The following STYXL2 variants were observed in gnomAD, a reference collection of about 807,000 sequenced individuals.
STYXL2 encodes serine/threonine/tyrosine-interacting-like protein 2.
Under a neutral mutation model 52.4 loss-of-function variants are expected in STYXL2, and 44 were observed. The ratio of observed to expected loss-of-function variants is 0.84; its 90% CI spans 0.66 to 1.08. The LOEUF (loss-of-function observed/expected upper bound fraction) is 1.08. STYXL2 is among the 50% of genes least tolerant of loss of function. The probability of loss-of-function intolerance (pLI) is 0.00; values close to 1 mark genes in which losing one functional copy is unlikely to be tolerated. For synonymous variants in STYXL2, 604 were observed against 586.9 expected (o/e 1.03, Z -0.42); for missense variants, 1,604 against 1,471.7 (o/e 1.09, Z -1.47).
intron 2 of STYXL2, 22 bp downstream of exon 2, chr1:167,094,981 ACCCTCACAGC>A (rs773373845): frequency 6.4e-7 from 1 of 1,557,528 alleles, no homozygotes. Flanking sequence ...CTTATCTCCC[ACCCTCACAGC>A]CCCAGCTGGG....
chr1:167,096,919 G>T (rs904431310), intron 2 of STYXL2, among the ~76,000 whole-genome samples: 1 of 152,136 alleles, frequency 6.6e-6, no homozygotes, highest in Non-Finnish European at 1.5e-5. Flanking sequence ...TCTCCAATGG[G>T]TGTGCATTCT....
In STYXL2 at chr1:167,128,893, G is replaced by C; in HGVS notation, c.*285G>C. 2.5e-6 allele frequency: 1 copy of C among 397,360 alleles called. No homozygotes were observed. Among genetic ancestry groups the C allele is most frequent in the South Asian group, 3.0e-5 (1 of 33,596 alleles). The allele number at this position is 397,360 out of a possible 1,614,324, so 24.6% of individuals were successfully genotyped here. On this transcript the variant is annotated 3_prime_UTR_variant, in exon 6 of 6. Transcript: ENST00000361200. The stretch of plus-strand genomic sequence containing the variant: ...CTTTGGTGTTTCACTTAATGTATTT[G>C]GCAGTGTTCATCACAGGCTAGAGAG...
intron 3 of STYXL2, among the ~76,000 whole-genome samples, chr1:167,115,049 G>GA (rs970239968): frequency 1.3e-5 from 2 of 151,702 alleles, no homozygotes; most frequent in Non-Finnish European, 2.9e-5. Flanking sequence ...ATTGAGGGGA[G>GA]AAAAAAAATA....
chr1:167,120,465 C>T (rs12725293), intron 5 of STYXL2, among the ~76,000 whole-genome samples: 3,684 of 152,194 alleles, frequency 0.024, 65 homozygotes, highest in Middle Eastern at 0.037. Flanking sequence ...AAATAACTCC[C>T]TTGGGACAAC....
intron 2 of STYXL2, among the ~76,000 whole-genome samples, chr1:167,098,300 C>T (rs1163032140): frequency 2.6e-5 from 4 of 152,018 alleles, no homozygotes; most frequent in East Asian, 1.9e-4. Context: ...TGAGCCACCA[C>T]GCCCGGCCCA....
At chr1:167,114,035 T>C (rs145141117) in intron 3 of STYXL2, among the ~76,000 whole-genome samples, 1 of 152,142 alleles carries the variant, frequency 6.6e-6, no homozygotes, top group African/African-American at 2.4e-5. Flanking sequence ...GCAGCACCAA[T>C]CTGTCCCTAG....
rs1227743105 is a variant in STYXL2, at chr1:167,128,806, C to T, written c.*198C>T. 16 of 825,994 alleles carry T rather than the reference C, an allele frequency of 1.9e-5. No homozygotes were observed. Among genetic ancestry groups the T allele is most frequent in the African/African-American group, 4.0e-5 (2 of 50,406 alleles). 51.2% of individuals were successfully genotyped at this position (825,994 alleles called of 1,614,324 possible). On this transcript the variant is annotated 3_prime_UTR_variant, in exon 6 of 6. Transcript: ENST00000361200. ...GCAAGGAGGGGGAGAACCATCAATA[C>T]GAATACGAGGTCCGAATGCGGACCA... is the stretch of plus-strand genomic sequence containing the variant.
At chr1:167,118,546 CTTACGG>C (rs1364343407) in intron 4 of STYXL2, among the ~76,000 whole-genome samples, 17 of 152,330 alleles carry the variant, frequency 1.1e-4, no homozygotes, top group African/African-American at 4.1e-4. Context: ...AAGCATTCAT[CTTACGG>C]TCACTAAGAA....
At chr1:167,099,205 A>G (rs1001839835) in intron 2 of STYXL2, among the ~76,000 whole-genome samples, 1 of 152,222 alleles carries the variant, frequency 6.6e-6, no homozygotes, top group Non-Finnish European at 1.5e-5. Context: ...ATGAAAAATT[A>G]AAAGCCACAA....
At chr1:167,111,469 C>CATATATATATATAT (rs776014246) in intron 2 of STYXL2, among the ~76,000 whole-genome samples, 4 of 79,922 alleles carry the variant, frequency 5.0e-5, no homozygotes, top group African/African-American at 1.3e-4. Flanking sequence ...AAATATGGTA[C>CATATATATATATAT]ATATATATAT....
At chr1:167,103,576 T>C (rs1312949647) in intron 2 of STYXL2, among the ~76,000 whole-genome samples, 20 of 152,212 alleles carry the variant, frequency 1.3e-4, no homozygotes, top group Non-Finnish European at 1.5e-5. Flanking sequence ...TATCAAATCT[T>C]CATTTTTGCC....
rs149106467 is a variant in STYXL2, at chr1:167,114,347, T to A, written c.205+543T>A. 6.4e-4 allele frequency among the ~76,000 whole-genome samples: 98 copies of A among 152,336 alleles called. 1 individual carries two copies. Among genetic ancestry groups the A allele is most frequent in the African/African-American group, 2.2e-3 (93 of 41,578 alleles). ...CTCAAAGATACTTATCTGGATTAGATGAATTTTTTTCTAATCAATTTTAAG... is the reference window on the plus strand; with the variant it reads ...CTCAAAGATACTTATCTGGATTAGAAGAATTTTTTTCTAATCAATTTTAAG... On this transcript the variant is annotated intron_variant, in intron 3 of 5. Coordinates refer to ENST00000361200, the MANE Select transcript of STYXL2 (RefSeq NM_001080426.3).
intron 5 of STYXL2, among the ~76,000 whole-genome samples, chr1:167,125,226 A>T (rs1471734305): frequency 1.3e-5 from 2 of 152,204 alleles, no homozygotes; most frequent in Non-Finnish European, 2.9e-5. Context: ...TTTCCCTAAC[A>T]TATGAAAAAA....
intron 2 of STYXL2, among the ~76,000 whole-genome samples, chr1:167,109,156 G>A (rs1179229545): frequency 6.6e-6 from 1 of 152,166 alleles, no homozygotes; most frequent in African/African-American, 2.4e-5. Flanking sequence ...AGTGTAAATT[G>A]TCCAGGGCAG....
chr1:167,127,019 C>T lies in STYXL2; in HGVS notation c.1888C>T (p.Leu630=). 1 of 1,606,616 alleles carries T rather than the reference C, an allele frequency of 6.2e-7. No homozygotes were observed. Among genetic ancestry groups the T allele is most frequent in the Non-Finnish European group, 8.5e-7 (1 of 1,175,578 alleles). The part of the protein sequence containing the change: ...AKKRQRRLEL[L]ERSRQTLEES... ...GAAGAGACAACGGAGGCTGGAGCTGCTGGAGAGAAGCCGGCAGACGCTGGA... is the reference window on the plus strand; with the variant it reads ...GAAGAGACAACGGAGGCTGGAGCTGTTGGAGAGAAGCCGGCAGACGCTGGA... The change falls in exon 6 of 6, where the codon CTG becomes TTG. Residue 630 remains leucine, a synonymous_variant. Coordinates refer to ENST00000361200, the MANE Select transcript of STYXL2 (RefSeq NM_001080426.3).
At chr1:167,125,658 C>A in intron 5 of STYXL2, 129 bp from the exon 6 acceptor site, 1 of 1,368,048 alleles carries the variant, frequency 7.3e-7, no homozygotes, top group Non-Finnish European at 9.5e-7. Flanking sequence ...CCCGGATGAA[C>A]TTCAGAGGCA....
At chr1:167,100,961 C>T (rs552710192) in intron 2 of STYXL2, among the ~76,000 whole-genome samples, 10 of 152,344 alleles carry the variant, frequency 6.6e-5, no homozygotes, top group Middle Eastern at 6.8e-3. Context: ...ATCGATCCCA[C>T]TTTACTTCAC....
At chr1:167,097,246 A>C (rs1667305386) in intron 2 of STYXL2, among the ~76,000 whole-genome samples, 1 of 152,162 alleles carries the variant, frequency 6.6e-6, no homozygotes, top group South Asian at 2.1e-4. Context: ...TGTTTATGAA[A>C]ATTTGGTGGC....
chr1:167,098,306 G>C (rs1389435253), intron 2 of STYXL2, among the ~76,000 whole-genome samples: 1 of 151,910 alleles, frequency 6.6e-6, no homozygotes, highest in African/African-American at 2.4e-5. Flanking sequence ...ACCACGCCCG[G>C]CCCAAACTTT....
Sources: gnomAD v4.1 joint callset for allele counts (sites outside exome capture counted in the v4.1 genomes callset) on GRCh38, gnomAD v4.1.1 for gene constraint, MANE v1.5 for transcripts, NCBI Gene and HGNC (gene_info 2026-07-23, HGNC 2026-07-21) for gene names.